USP32: variants seen among roughly 807,000 people sequenced by gnomAD.
USP32 encodes the protein ubiquitin specific peptidase 32.
USP32 carries 59 observed loss-of-function variants against 204.8 expected under a neutral mutation model. The ratio of observed to expected loss-of-function variants is 0.29; its 90% confidence interval spans 0.23 to 0.36. The LOEUF (loss-of-function observed/expected upper bound fraction) is 0.36. USP32 is among the 10% of genes least tolerant of loss of function. The pLI is 1.00. For synonymous variants in USP32, 517 were observed against 678.4 expected, an observed-to-expected ratio of 0.76 and a Z score of 3.70; for missense variants, 1,160 against 1,946.4, an observed-to-expected ratio of 0.60 and a Z score of 7.60.
chr17:60,269,342 C>T, intron 7 of USP32, 108 bp downstream of exon 7: 2 of 809,916 alleles, frequency 2.5e-6, no homozygotes, highest in East Asian at 3.0e-5. Context: ...GTTAATCTGA[C>T]AAAGTTATAA....
intron 4 of USP32, among the ~76,000 whole-genome samples, chr17:60,293,818 T>A (rs757450650): frequency 6.6e-6 from 1 of 152,104 alleles, no homozygotes; most frequent in African/African-American, 2.4e-5. Context: ...ACTGGTGAAA[T>A]GGAATTGTGT....
chr17:60,382,685 TTCTAAC>T (rs2089665104), intron 1 of USP32, among the ~76,000 whole-genome samples: 1 of 152,178 alleles, frequency 6.6e-6, no homozygotes, highest in Non-Finnish European at 1.5e-5. Flanking sequence ...GCAAATAACT[TTCTAAC>T]TCTAACTTCA....
chr17:60,215,404 T>C (rs1322501351), intron 16 of USP32, among the ~76,000 whole-genome samples: 2 of 151,908 alleles, frequency 1.3e-5, no homozygotes, highest in African/African-American at 4.8e-5. Flanking sequence ...ACAATTGGCA[T>C]TGATATCTGG....
At chr17:60,227,856 A>T (rs986376542) in intron 12 of USP32, among the ~76,000 whole-genome samples, 25 of 152,146 alleles carry the variant, frequency 1.6e-4, no homozygotes, top group Non-Finnish European at 1.3e-4. Context: ...AAATTTTTTT[A>T]AATTTTAAGT....
At chr17:60,293,580 C>T (rs966036317) in intron 4 of USP32, among the ~76,000 whole-genome samples, 7 of 152,210 alleles carry the variant, frequency 4.6e-5, no homozygotes, top group South Asian at 4.1e-4. Context: ...CCATAACCAC[C>T]GCCAAAAACT....
intron 1 of USP32, among the ~76,000 whole-genome samples, chr17:60,357,573 T>C (rs1438468167): frequency 6.6e-6 from 1 of 152,092 alleles, no homozygotes. Context: ...ACATTCATAG[T>C]CATACATCTC....
intron 2 of USP32, among the ~76,000 whole-genome samples, chr17:60,337,561 G>A (rs941423224): frequency 6.6e-6 from 1 of 152,036 alleles, no homozygotes; most frequent in Non-Finnish European, 1.5e-5. Context: ...TTTTTTTTAA[G>A]TCATAAAGTC....
intron 2 of USP32, among the ~76,000 whole-genome samples, chr17:60,315,071 C>T (rs997484603): frequency 6.6e-6 from 1 of 152,140 alleles, no homozygotes; most frequent in East Asian, 1.9e-4. Context: ...ACCACAATGA[C>T]ATACCACTTC....
intron 2 of USP32, among the ~76,000 whole-genome samples, chr17:60,308,070 C>G (rs549999213): frequency 2.0e-5 from 3 of 152,336 alleles, no homozygotes; most frequent in Non-Finnish European, 4.4e-5. Context: ...CAATCCCCTT[C>G]TGGCTCACCG....
intron 5 of USP32, among the ~76,000 whole-genome samples, chr17:60,275,765 G>A (rs1395776024): frequency 6.6e-6 from 1 of 152,000 alleles, no homozygotes; most frequent in Non-Finnish European, 1.5e-5. Flanking sequence ...AGACTGGAGT[G>A]CAGTGGTGTG....
At chr17:60,381,634 T>C (rs1339693767) in intron 1 of USP32, among the ~76,000 whole-genome samples, 1 of 152,154 alleles carries the variant, frequency 6.6e-6, no homozygotes, top group African/African-American at 2.4e-5. Flanking sequence ...CAAGCCCTAG[T>C]AGTTTCTATG....
At chr17:60,321,871 CT>C (rs61115566) in intron 2 of USP32, among the ~76,000 whole-genome samples, 7,583 of 139,542 alleles carry the variant, frequency 0.054, 549 homozygotes, top group African/African-American at 0.17. Flanking sequence ...AATCAGATGG[CT>C]TTTTTTTTTT....
chr17:60,249,164 TTG>T, intron 11 of USP32: 1 of 152,212 alleles, frequency 6.6e-6, no homozygotes, highest in East Asian at 1.9e-4. Flanking sequence ...AGTTTACTGG[TTG>T]TGTTTAGCCA....
chr17:60,215,863 C>T (rs1390388768), intron 16 of USP32, among the ~76,000 whole-genome samples: 1 of 152,082 alleles, frequency 6.6e-6, no homozygotes, highest in Admixed American at 6.5e-5. Context: ...AAGTGATCCT[C>T]GCACTTTAGC....
chr17:60,319,622 AT>A (rs1393039380), intron 2 of USP32, among the ~76,000 whole-genome samples: 1 of 151,958 alleles, frequency 6.6e-6, no homozygotes, highest in East Asian at 1.9e-4. Context: ...TACCAAAAAA[AT>A]ATAAAAATTA....
intron 6 of USP32, among the ~76,000 whole-genome samples, chr17:60,269,925 G>GA (rs1220398453): frequency 6.6e-6 from 1 of 151,860 alleles, no homozygotes; most frequent in Non-Finnish European, 1.5e-5. Context: ...AAGAAAAAGG[G>GA]AAAAAAGAAA....
chr17:60,351,681 G>T (rs1263162594), intron 1 of USP32, among the ~76,000 whole-genome samples: 6 of 152,148 alleles, frequency 3.9e-5, no homozygotes, highest in African/African-American at 1.4e-4. Flanking sequence ...ACCTCCCTCG[G>T]CCTCGCAAAG....
chr17:60,245,632 G>T (rs568247303), intron 11 of USP32: 1 of 290,364 alleles, frequency 3.4e-6, no homozygotes, highest in Admixed American at 3.9e-5. Context: ...TTCACAAGGG[G>T]TCTGAGGGCA....
rs77693548 is a variant in USP32 at position 60,391,562 on chromosome 17, G to C, written c.58+320C>G. 3.3e-5 allele frequency among the ~76,000 whole-genome samples: 5 copies of C among 152,290 alleles called. No individual in the cohort carries two copies. The East Asian group carries it at 9.7e-4, about 29-fold the overall frequency. On this transcript the variant is annotated intron_variant, in intron 1 of 33. Transcript: ENST00000300896. ...ATGAAGGATGAGGGGGGCTGGATGG[G>C]CTGGAGCCGCCCAAGAAAACGGGGA...
Sources: gnomAD v4.1 joint callset for allele counts (sites outside exome capture counted in the v4.1 genomes callset) on GRCh38, gnomAD v4.1.1 for gene constraint, MANE v1.5 for transcripts, NCBI Gene and HGNC (gene_info 2026-07-23, HGNC 2026-07-21) for gene names.